Variants in RAP1GAP2 observed in about 807,000 individuals in gnomAD.
The protein encoded by RAP1GAP2 is RAP1 GTPase activating protein 2.
Under a neutral mutation model 95.0 loss-of-function variants are expected in RAP1GAP2, and 27 were observed. The ratio of observed to expected loss-of-function variants is 0.28; its 90% CI spans 0.21 to 0.39. RAP1GAP2 has a LOEUF of 0.39. Among genes scored for constraint, RAP1GAP2 ranks in the 10% least tolerant of loss-of-function variants. The pLI is 1.00. For missense variants in RAP1GAP2, 771 were observed against 970.0 expected (o/e 0.79, Z 2.72); for synonymous variants, 373 against 380.9 (o/e 0.98, Z 0.24).
At chr17:2,769,283 CG>C (rs1184636892) in intron 1 of RAP1GAP2, among the ~76,000 whole-genome samples, 2 of 111,158 alleles carry the variant, frequency 1.8e-5, no homozygotes, top group Non-Finnish European at 3.5e-5. Flanking sequence ...GGTCTGGGTG[CG>C]GTGGCTCACG....
chr17:2,887,007 C>T (rs1035627821), intron 2 of RAP1GAP2, among the ~76,000 whole-genome samples: 7 of 151,904 alleles, frequency 4.6e-5, no homozygotes, highest in African/African-American at 1.7e-4. Context: ...AATGAAATAA[C>T]GTACATAAAG....
At chr17:2,888,386 T>C (rs2073573022) in intron 2 of RAP1GAP2, among the ~76,000 whole-genome samples, 1 of 152,158 alleles carries the variant, frequency 6.6e-6, no homozygotes, top group Non-Finnish European at 1.5e-5. Flanking sequence ...TTCGGTACTT[T>C]TGTATCCCTG....
intron 2 of RAP1GAP2, among the ~76,000 whole-genome samples, chr17:2,813,071 A>G (rs2069841925): frequency 6.7e-6 from 1 of 150,232 alleles, no homozygotes; most frequent in African/African-American, 2.4e-5. Flanking sequence ...ACCCAGCATC[A>G]GTACTTTTTT....
chr17:2,785,062 C>T (rs895064164), intron 1 of RAP1GAP2, among the ~76,000 whole-genome samples: 2 of 152,224 alleles, frequency 1.3e-5, no homozygotes, highest in African/African-American at 4.8e-5. Context: ...CCCCCTGCCT[C>T]GCTTGCTGGC....
At position 2,906,729 on chromosome 17, in the gene RAP1GAP2, C is replaced by A. The variant is rs1567764292; in HGVS notation, c.165+1361C>A. 6.6e-6 allele frequency among the ~76,000 whole-genome samples: 1 copy of A among 152,218 alleles called. No homozygotes were observed. Among genetic ancestry groups the A allele is most frequent in the East Asian group, 1.9e-4 (1 of 5,176 alleles). On this transcript the variant is annotated intron_variant, in intron 3 of 24. Coordinates refer to ENST00000254695, the MANE Select transcript of RAP1GAP2 (RefSeq NM_015085.5). This position sits in a 1 kb window ranked among gnomAD's most constrained non-coding sequence, Gnocchi z 4.3. ...TGCTTGTCTCTGTCCTCACAGATGG[C>A]AGGAGTTTGCAGGGAGAAGTCTGAC...
intron 2 of RAP1GAP2, among the ~76,000 whole-genome samples, chr17:2,869,663 G>A (rs1352522883): frequency 6.6e-6 from 1 of 152,170 alleles, no homozygotes; most frequent in Non-Finnish European, 1.5e-5. Context: ...TCAGGGCTCT[G>A]TCCTGCCCAA....
At chr17:2,858,608 T>C (rs2072244056) in intron 2 of RAP1GAP2, among the ~76,000 whole-genome samples, 1 of 152,104 alleles carries the variant, frequency 6.6e-6, no homozygotes, top group African/African-American at 2.4e-5. Context: ...AATTTGTATC[T>C]TAAAGATAAG....
intron 2 of RAP1GAP2, among the ~76,000 whole-genome samples, chr17:2,842,624 C>A (rs1018158242): frequency 6.6e-6 from 1 of 151,878 alleles, no homozygotes; most frequent in Non-Finnish European, 1.5e-5. Flanking sequence ...CCTAGAGTTG[C>A]CTAAAAGCCG....
upstream of RAP1GAP2, among the ~76,000 whole-genome samples, chr17:2,774,634 G>A (rs1478870431): frequency 6.6e-6 from 1 of 151,480 alleles, no homozygotes; most frequent in Non-Finnish European, 1.5e-5. Flanking sequence ...CACCATGCCT[G>A]GCTAATTTTT....
chr17:2,966,478 A>T (rs2044603595), intron 8 of RAP1GAP2, among the ~76,000 whole-genome samples: 1 of 152,174 alleles, frequency 6.6e-6, no homozygotes, highest in Non-Finnish European at 1.5e-5. Context: ...CTAATTGAAG[A>T]TTCATAAAGG....
intron 10 of RAP1GAP2, among the ~76,000 whole-genome samples, chr17:2,983,381 C>T (rs529124911): frequency 3.3e-5 from 5 of 152,244 alleles, no homozygotes; most frequent in Admixed American, 1.3e-4. Flanking sequence ...ACGCTAAACA[C>T]GTTTCTCATT....
At position 2,866,061 on chromosome 17, in the gene RAP1GAP2, G is replaced by A. The variant is rs115809990; in HGVS notation, c.81-39223G>A. Among the ~76,000 whole-genome samples, 54 of 152,368 alleles carry A rather than the reference G, an allele frequency of 3.5e-4. No individual in the cohort carries two copies. The highest frequency in any genetic ancestry group is 1.3e-3 in the African/African-American group (52 of 41,582). ...GAAGAGGGAGGTGTGGAGAAGAGGT[G>A]CAGGGAGCCCTGGAGGTCAGAAGAA... On this transcript the variant is annotated intron_variant, in intron 2 of 24. Transcript: ENST00000254695. The surrounding 1 kb of genome is among the most constrained non-coding windows in gnomAD (Gnocchi z 4.0).
intron 12 of RAP1GAP2, among the ~76,000 whole-genome samples, chr17:2,993,041 T>A (rs1472687374): frequency 7.4e-6 from 1 of 134,562 alleles, no homozygotes; most frequent in African/African-American, 3.0e-5. Context: ...AAACCCCGTC[T>A]CTACTAAAAA....
At chr17:2,858,530 A>T (rs922939771) in intron 2 of RAP1GAP2, among the ~76,000 whole-genome samples, 2 of 152,060 alleles carry the variant, frequency 1.3e-5, no homozygotes, top group South Asian at 4.1e-4. Context: ...GTACCAATGC[A>T]CTCCTCCACA....
At chr17:2,925,217 C>T (rs767526756) in intron 3 of RAP1GAP2, among the ~76,000 whole-genome samples, 1 of 152,168 alleles carries the variant, frequency 6.6e-6, no homozygotes, top group African/African-American at 2.4e-5. Flanking sequence ...GCAAAAACCA[C>T]AGAAACCTTC....
Position 2,854,805 on chromosome 17 carries a change from A to G in RAP1GAP2, c.81-50479A>G, listed in dbSNP as rs568705491. On this transcript the variant is annotated intron_variant, in intron 2 of 24. Transcript: ENST00000254695. Reference sequence around the variant, plus strand: ...GCAGGTCTGACATCCACCAGACCCCAAGGAGCTACCAGGCAGGTCGTTGGC... The same window carrying G: ...GCAGGTCTGACATCCACCAGACCCCGAGGAGCTACCAGGCAGGTCGTTGGC... Among the ~76,000 whole-genome samples the G allele has an allele frequency of 1.4e-4, 21 of 152,338 alleles. No individual in the cohort carries two copies. In the South Asian group the frequency reaches 4.1e-3, roughly 30 times the overall value.
At chr17:2,777,176 G>A (rs1597286312) in exon 1 of RAP1GAP2, 1 of 152,430 alleles carries the variant, frequency 6.6e-6, no homozygotes, top group South Asian at 2.1e-4. Context: ...CCCGCGGGCG[G>A]GGCGCTGCAC....
intron 3 of RAP1GAP2, among the ~76,000 whole-genome samples, chr17:2,944,569 G>A (rs989437035): frequency 2.0e-5 from 3 of 152,150 alleles, no homozygotes; most frequent in African/African-American, 7.2e-5. Context: ...GGAAATATGA[G>A]TTCTCCACCT....
chr17:3,026,516 C>T (rs974636149), intron 21 of RAP1GAP2, 52 bp downstream of exon 21: 1 of 1,372,104 alleles, frequency 7.3e-7, no homozygotes, highest in African/African-American at 1.4e-5. Flanking sequence ...GTCAGCCAGC[C>T]ACCCTCCTTG....
Sources: gnomAD v4.1 joint callset for allele counts (sites outside exome capture counted in the v4.1 genomes callset) on GRCh38, gnomAD v4.1.1 for gene constraint, Gnocchi (gnomAD v3.1) non-coding constraint, MANE v1.5 for transcripts, NCBI Gene and HGNC (gene_info 2026-07-23, HGNC 2026-07-21) for gene names.